AFAP1L2: variants seen among roughly 807,000 people sequenced by gnomAD.
The protein encoded by AFAP1L2 is actin filament associated protein 1 like 2.
In AFAP1L2, 46 loss-of-function variants were observed where a neutral mutation model predicts 99.3. That is an observed-to-expected ratio of 0.46 (90% CI 0.37 to 0.59). The LOEUF (loss-of-function observed/expected upper bound fraction) is 0.59. AFAP1L2 is among the 20% of genes least tolerant of loss of function. The pLI is 0.00. For synonymous variants in AFAP1L2, 397 were observed against 419.1 expected (o/e 0.95, Z 0.64); for missense variants, 959 against 1,034.9 (o/e 0.93, Z 1.01).
Position 114,300,194 on chromosome 10 carries a change from C to T in AFAP1L2, c.1957G>A (p.Glu653Lys), listed in dbSNP as rs1398013890. Residue 653 changes from glutamate (E) to lysine (K), a missense_variant and splice_region_variant, in exon 15 of 19, where the codon GAG (glutamate) becomes AAG (lysine). Around this residue, in one of 2 missense-constraint regions of AFAP1L2, gnomAD observed 576 missense variants for 562.1 expected, o/e 1.02. Transcript: ENST00000304129. The part of the protein sequence containing the change: ...VKDRLRVTSA[E>K]IKLGKNRTEA... Reference sequence around the variant, plus strand: ...GGCTAACTTCCCCAAGCACAAGTACCTGCACTGGTCACGCGCAACCTGTCC... The same window carrying T: ...GGCTAACTTCCCCAAGCACAAGTACTTGCACTGGTCACGCGCAACCTGTCC... 1 of 1,614,188 alleles carries T rather than the reference C, an allele frequency of 6.2e-7. No homozygotes were observed. Among genetic ancestry groups the T allele is most frequent in the Non-Finnish European group, 8.5e-7 (1 of 1,180,030 alleles).
chr10:114,388,222 C>T (rs2056743820), intron 1 of AFAP1L2, among the ~76,000 whole-genome samples: 1 of 152,062 alleles, frequency 6.6e-6, no homozygotes, highest in Admixed American at 6.6e-5. Context: ...TCGCACCATC[C>T]TGCTCTCCCA....
intron 2 of AFAP1L2, among the ~76,000 whole-genome samples, chr10:114,336,370 G>C (rs1253711804): frequency 6.6e-6 from 1 of 152,252 alleles, no homozygotes; most frequent in Non-Finnish European, 1.5e-5. Context: ...ATCTGACGAA[G>C]TGCATTCAGC....
chr10:114,292,660 T>C (rs770445577), downstream of AFAP1L2, among the ~76,000 whole-genome samples: 4 of 151,604 alleles, frequency 2.6e-5, no homozygotes, highest in Non-Finnish European at 5.9e-5. Flanking sequence ...AGTTGGATTT[T>C]CTGTAGAAAT....
At chr10:114,396,712 T>C (rs945770717) in intron 1 of AFAP1L2, among the ~76,000 whole-genome samples, 3 of 152,220 alleles carry the variant, frequency 2.0e-5, no homozygotes, top group African/African-American at 7.2e-5. Flanking sequence ...TAGATCCATG[T>C]GTGGGTAGCA....
At chr10:114,361,951 T>C (rs1174513421) in intron 1 of AFAP1L2, among the ~76,000 whole-genome samples, 1 of 152,164 alleles carries the variant, frequency 6.6e-6, no homozygotes, top group East Asian at 1.9e-4. Context: ...AAATGGATGG[T>C]AGGATATTTT....
At chr10:114,318,404 G>A (rs183071849) in intron 5 of AFAP1L2, among the ~76,000 whole-genome samples, 1 of 152,116 alleles carries the variant, frequency 6.6e-6, no homozygotes, top group East Asian at 1.9e-4. Flanking sequence ...ACTAAGAACG[G>A]CAAATCATCA....
intron 1 of AFAP1L2, among the ~76,000 whole-genome samples, chr10:114,352,972 C>T (rs936581448): frequency 1.3e-5 from 2 of 152,244 alleles, no homozygotes; most frequent in Non-Finnish European, 2.9e-5. Context: ...CCAAATTTCC[C>T]TGGGGAAACC....
Position 114,340,660 on chromosome 10 carries a change from C to G in AFAP1L2, c.88G>C (p.Ala30Pro), listed in dbSNP as rs754271970. ...GCCAGGCAGCTCTTCTTCACCAGTG[C>G]TGTGCTGCTCAGGTTCTCCTGGTCA... ...ILDQENLSST[A>P]LVKKSCLAEL... is the part of the protein sequence containing the mutation. The change falls in exon 2 of 19, where the codon GCA becomes CCA. Residue 30 changes from alanine (A) to proline (P), a missense_variant. Physicochemically the swap from Ala to Pro is conservative, Grantham distance 27. Around this residue, in one of 2 missense-constraint regions of AFAP1L2, gnomAD observed 383 missense variants for 472.8 expected, o/e 0.81. Coordinates refer to ENST00000304129, the MANE Select transcript of AFAP1L2 (RefSeq NM_001001936.3). 1 of 1,614,240 alleles carries G rather than the reference C, an allele frequency of 6.2e-7. No individual in the cohort carries two copies. Among genetic ancestry groups the G allele is most frequent in the Non-Finnish European group, 8.5e-7 (1 of 1,180,038 alleles).
chr10:114,369,681 A>G (rs1235236902), intron 1 of AFAP1L2, among the ~76,000 whole-genome samples: 2 of 151,590 alleles, frequency 1.3e-5, no homozygotes, highest in African/African-American at 4.9e-5. Flanking sequence ...TCATGAACCC[A>G]TTTCTGAGCT....
At chr10:114,399,754 C>A (rs2058066483) in intron 1 of AFAP1L2, among the ~76,000 whole-genome samples, 1 of 152,192 alleles carries the variant, frequency 6.6e-6, no homozygotes, top group Non-Finnish European at 1.5e-5. Flanking sequence ...CAGCTCTCAA[C>A]AGGAAATTGG....
intron 1 of AFAP1L2, among the ~76,000 whole-genome samples, chr10:114,347,028 T>C (rs1039542959): frequency 6.6e-6 from 1 of 152,258 alleles, no homozygotes; most frequent in Admixed American, 6.5e-5. Flanking sequence ...TTTATTCAGC[T>C]GCATTTGCTG....
At chr10:114,321,579 C>T (rs1202426184) in intron 5 of AFAP1L2, among the ~76,000 whole-genome samples, 1 of 152,208 alleles carries the variant, frequency 6.6e-6, no homozygotes, top group African/African-American at 2.4e-5. Context: ...CTTCCTCAGC[C>T]TAGTTCATTC....
At chr10:114,404,305 G>T (rs2058519659) in intron 1 of AFAP1L2, 135 bp downstream of exon 1, 7 of 1,055,800 alleles carry the variant, frequency 6.6e-6, no homozygotes, top group Non-Finnish European at 8.4e-6. Context: ...CCCCTCTTAG[G>T]CCCAGGTCCG....
Position 114,308,602 on chromosome 10 carries a change from G to A in AFAP1L2, c.883-85C>T, listed in dbSNP as rs1590020259. Reference sequence around the variant, plus strand: ...ACAATTGAAGGGAAAATAATAGATGGCTCTTGGTTGTATGCCAGAGGTCAG... The same window carrying A: ...ACAATTGAAGGGAAAATAATAGATGACTCTTGGTTGTATGCCAGAGGTCAG... On this transcript the variant is annotated intron_variant, in intron 8 of 18. Coordinates refer to ENST00000304129, the MANE Select transcript of AFAP1L2 (RefSeq NM_001001936.3). 7.3e-6 allele frequency: 9 copies of A among 1,240,592 alleles called. No individual in the cohort carries two copies. In the East Asian group the frequency reaches 1.6e-4, roughly 23 times the overall value. The allele number at this position is 1,240,592 out of a possible 1,614,324, so 76.8% of individuals were successfully genotyped here. A position where few individuals can be genotyped will look rare whatever the true frequency, so the allele number is the denominator to read the frequency against.
intron 8 of AFAP1L2, among the ~76,000 whole-genome samples, chr10:114,309,796 T>C (rs2042939209): frequency 6.6e-6 from 1 of 152,138 alleles, no homozygotes. Flanking sequence ...CCAATAAAGC[T>C]TCCCCCTGTC....
At chr10:114,293,277 C>T (rs1356082535), downstream of AFAP1L2, among the ~76,000 whole-genome samples, 2 of 152,166 alleles carry the variant, frequency 1.3e-5, no homozygotes, top group Non-Finnish European at 2.9e-5. Flanking sequence ...AGATGCTGAT[C>T]AGTGATGTCA....
intron 5 of AFAP1L2, among the ~76,000 whole-genome samples, chr10:114,316,578 C>A (rs1431256593): frequency 6.6e-6 from 1 of 152,146 alleles, no homozygotes; most frequent in Non-Finnish European, 1.5e-5. Flanking sequence ...CTCATCAGAG[C>A]ACAAATCATG....
intron 1 of AFAP1L2, among the ~76,000 whole-genome samples, chr10:114,373,972 C>T (rs1161880700): frequency 6.6e-6 from 1 of 152,106 alleles, no homozygotes; most frequent in Non-Finnish European, 1.5e-5. Flanking sequence ...CCCAAGACCA[C>T]CCTTTCCTAG....
intron 1 of AFAP1L2, among the ~76,000 whole-genome samples, chr10:114,341,301 A>G (rs2048792239): frequency 6.6e-6 from 1 of 152,176 alleles, no homozygotes; most frequent in Non-Finnish European, 1.5e-5. Context: ...GAATCTGTTC[A>G]CAGGTTGTCC....
Sources: allele counts gnomAD v4.1 joint callset (sites outside exome capture counted in the v4.1 genomes callset), GRCh38; gene constraint gnomAD v4.1.1; regional missense constraint gnomAD v4.1.1; transcripts MANE v1.5; gene names NCBI Gene and HGNC (gene_info 2026-07-23, HGNC 2026-07-21).